Variants in LDLRAD4 observed in about 807,000 individuals in gnomAD.
The protein encoded by LDLRAD4 is low-density lipoprotein receptor class A domain-containing protein 4.
LDLRAD4 carries 5 observed loss-of-function variants against 17.0 expected under a neutral mutation model. That is an observed-to-expected ratio of 0.29 (90% CI 0.15 to 0.62). LDLRAD4 has a LOEUF of 0.62. LDLRAD4 is among the 20% of genes least tolerant of loss of function. The pLI is 0.84. For synonymous variants in LDLRAD4, 168 were observed against 171.8 expected, an observed-to-expected ratio of 0.98 and a Z score of 0.17; for missense variants, 340 against 424.7, an observed-to-expected ratio of 0.80 and a Z score of 1.75.
chr18:13,547,200 C>A (rs150844501), intron 3 of LDLRAD4, among the ~76,000 whole-genome samples: 1 of 152,160 alleles, frequency 6.6e-6, no homozygotes, highest in Non-Finnish European at 1.5e-5. Flanking sequence ...TGTACCACTT[C>A]GTCATTTACT....
chr18:13,233,170 G>T (rs75521267), intron 1 of LDLRAD4, among the ~76,000 whole-genome samples: 1 of 152,252 alleles, frequency 6.6e-6, no homozygotes. Context: ...GTGAGCGGGC[G>T]AAGTGCTCTT....
intron 3 of LDLRAD4, among the ~76,000 whole-genome samples, chr18:13,539,285 C>T (rs2094242249): frequency 6.6e-6 from 1 of 152,190 alleles, no homozygotes; most frequent in African/African-American, 2.4e-5. Context: ...CAGGGAGCAA[C>T]TGTGTGCTTG....
intron 1 of LDLRAD4, among the ~76,000 whole-genome samples, chr18:13,293,790 T>C (rs1297385411): frequency 1.3e-5 from 2 of 152,250 alleles, no homozygotes; most frequent in African/African-American, 4.8e-5. Context: ...TCACTTCCAC[T>C]GATCACCCCT....
Position 13,387,491 on chromosome 18 carries a change from C to T in LDLRAD4, c.-232C>T, listed in dbSNP as rs56828546. ...CCCTCCACCCGCGCCATGGCCTCCG[C>T]GCCCTGGCTGGACGGCTGACGGGAG... On this transcript the variant is annotated 5_prime_UTR_variant, in exon 2 of 6. Coordinates refer to ENST00000359446, the Ensembl canonical transcript of LDLRAD4. 8.1e-3 allele frequency: 3,843 copies of T among 474,282 alleles called. 76 individuals are homozygous for T. Among genetic ancestry groups the T allele is most frequent in the East Asian group, 0.042 (983 of 23,434 alleles). The allele number at this position is 474,282 out of a possible 1,614,324, so 29.4% of individuals were successfully genotyped here. A position where few individuals can be genotyped will look rare whatever the true frequency, so the allele number is the denominator to read the frequency against.
exon 6 of LDLRAD4, chr18:13,650,639 T>A (rs2043208150): frequency 3.0e-6 from 1 of 330,408 alleles, no homozygotes; most frequent in African/African-American, 2.1e-5. Context: ...TTTTTATTTG[T>A]AAGGTGCTGT....
At chr18:13,567,126 G>A (rs1448929353) in intron 3 of LDLRAD4, among the ~76,000 whole-genome samples, 1 of 152,180 alleles carries the variant, frequency 6.6e-6, no homozygotes, top group Admixed American at 6.5e-5. Flanking sequence ...GGGTTGCTCT[G>A]GTTTGCCTTG....
chr18:13,358,550 T>G (rs2083474298), intron 1 of LDLRAD4, among the ~76,000 whole-genome samples: 2 of 152,176 alleles, frequency 1.3e-5, no homozygotes, highest in Non-Finnish European at 2.9e-5. Context: ...CCCTAAAATG[T>G]GATAAATAAA....
chr18:13,500,320 C>T (rs1188560686), intron 3 of LDLRAD4, among the ~76,000 whole-genome samples: 3 of 152,212 alleles, frequency 2.0e-5, no homozygotes, highest in Non-Finnish European at 4.4e-5. Context: ...TGGAGCGCCT[C>T]CTCTGCCCGT....
chr18:13,412,227 C>T (rs2088439566), intron 2 of LDLRAD4, among the ~76,000 whole-genome samples: 1 of 152,214 alleles, frequency 6.6e-6, no homozygotes, highest in Non-Finnish European at 1.5e-5. Context: ...GACTTTGCCT[C>T]AGTTACTGCA....
intron 3 of LDLRAD4, among the ~76,000 whole-genome samples, chr18:13,464,752 G>C (rs1305399513): frequency 1.3e-5 from 2 of 151,074 alleles, no homozygotes; most frequent in African/African-American, 4.9e-5. Flanking sequence ...GCTGTAGATG[G>C]GGCTTTTGAA....
intron 1 of LDLRAD4, among the ~76,000 whole-genome samples, chr18:13,244,830 A>G (rs920487860): frequency 6.6e-6 from 1 of 152,236 alleles, no homozygotes; most frequent in Non-Finnish European, 1.5e-5. Context: ...TGCTGTCTTC[A>G]TGGACAGGTG....
intron 2 of LDLRAD4, among the ~76,000 whole-genome samples, chr18:13,390,948 T>A (rs1424753998): frequency 6.6e-6 from 1 of 152,090 alleles, no homozygotes; most frequent in Middle Eastern, 3.2e-3. Context: ...TTTGCAAGAG[T>A]CCCTGTGATG....
chr18:13,384,661 A>G (rs1398184684), intron 1 of LDLRAD4, among the ~76,000 whole-genome samples: 1 of 152,156 alleles, frequency 6.6e-6, no homozygotes, highest in African/African-American at 2.4e-5. Flanking sequence ...GAGATCATGT[A>G]GTACTTGTCT....
intron 1 of LDLRAD4, among the ~76,000 whole-genome samples, chr18:13,286,005 C>T (rs1331629658): frequency 1.3e-5 from 2 of 152,178 alleles, no homozygotes; most frequent in Non-Finnish European, 2.9e-5. Flanking sequence ...AGTACATTCA[C>T]GTTGTGCAAC....
chr18:13,447,284 G>A (rs1304815007), intron 3 of LDLRAD4, among the ~76,000 whole-genome samples: 1 of 152,188 alleles, frequency 6.6e-6, no homozygotes, highest in African/African-American at 2.4e-5. Context: ...CTGGCAACAC[G>A]CTTCTGCCTG....
chr18:13,512,073 G>A (rs1208293557), intron 3 of LDLRAD4, among the ~76,000 whole-genome samples: 1 of 152,170 alleles, frequency 6.6e-6, no homozygotes, highest in Admixed American at 6.5e-5. Flanking sequence ...TCTAAATCAG[G>A]TTGGAAGGCA....
intron 3 of LDLRAD4, among the ~76,000 whole-genome samples, chr18:13,452,402 A>G (rs1431249358): frequency 6.6e-6 from 1 of 152,102 alleles, no homozygotes; most frequent in Non-Finnish European, 1.5e-5. Flanking sequence ...ATCTCCTGGC[A>G]GAGGGATAGC....
At chr18:13,290,604 C>A (rs771684254) in intron 1 of LDLRAD4, among the ~76,000 whole-genome samples, 5 of 150,570 alleles carry the variant, frequency 3.3e-5, no homozygotes, top group Non-Finnish European at 5.9e-5. Flanking sequence ...TTTTTTGGCA[C>A]CTGCTTCTTG....
intron 3 of LDLRAD4, among the ~76,000 whole-genome samples, chr18:13,548,368 G>A (rs1173633446): frequency 6.6e-6 from 1 of 152,204 alleles, no homozygotes; most frequent in Non-Finnish European, 1.5e-5. Context: ...ATGGCGCCCA[G>A]GCTGTTGGTG....
Sources: gnomAD v4.1 joint callset for allele counts (sites outside exome capture counted in the v4.1 genomes callset) on GRCh38, gnomAD v4.1.1 for gene constraint, MANE v1.5 for transcripts, NCBI Gene and HGNC (gene_info 2026-07-23, HGNC 2026-07-21) for gene names.